Variants in POC1A observed in about 807,000 individuals in gnomAD.
POC1A encodes the protein POC1 centriolar protein A.
In POC1A, 34 loss-of-function variants were observed where a neutral mutation model predicts 47.8. The ratio of observed to expected loss-of-function variants is 0.71; its 90% CI spans 0.54 to 0.95. The LOEUF (loss-of-function observed/expected upper bound fraction) is 0.95, where lower values mean the gene tolerates loss of function less well. Among genes scored for constraint, POC1A ranks in the 40% least tolerant of loss-of-function variants. The probability of loss-of-function intolerance (pLI) is 0.00; values close to 1 mark genes in which losing one functional copy is unlikely to be tolerated. For synonymous variants in POC1A, 177 were observed against 207.6 expected (o/e 0.85, Z 1.27); for missense variants, 466 against 528.3 (o/e 0.88, Z 1.16).
intron 10 of POC1A, among the ~76,000 whole-genome samples, chr3:52,092,860 G>A (rs892854683): frequency 6.6e-6 from 1 of 152,216 alleles, no homozygotes; most frequent in Non-Finnish European, 1.5e-5. Context: ...GGGCAGTTTG[G>A]TTTCCTCTTC....
chr3:52,135,100 A>G (rs1704394872), intron 7 of POC1A, among the ~76,000 whole-genome samples: 1 of 152,244 alleles, frequency 6.6e-6, no homozygotes, highest in Non-Finnish European at 1.5e-5. Context: ...GCCCAGGCAG[A>G]ACCCAGCCCC....
chr3:52,087,354 AC>A (rs1215369988), intron 10 of POC1A, among the ~76,000 whole-genome samples: 2 of 152,192 alleles, frequency 1.3e-5, no homozygotes, highest in Non-Finnish European at 2.9e-5. Flanking sequence ...ACACAAAAAA[AC>A]AATTTCTAAA....
chr3:52,154,285 C>G, intron 1 of POC1A, 70 bp downstream of exon 1: 1 of 1,479,518 alleles, frequency 6.8e-7, no homozygotes. Flanking sequence ...AGCCATCGCT[C>G]TGGCCATTAG....
intron 7 of POC1A, among the ~76,000 whole-genome samples, chr3:52,126,562 C>G (rs759791662): frequency 2.0e-5 from 3 of 152,252 alleles, no homozygotes; most frequent in Non-Finnish European, 2.9e-5. Context: ...CCTGAAAGGA[C>G]AGTCTGTGCG....
intron 6 of POC1A, among the ~76,000 whole-genome samples, chr3:52,139,694 A>G (rs1047271524): frequency 7.2e-5 from 11 of 152,176 alleles, no homozygotes; most frequent in Non-Finnish European, 1.5e-4. Flanking sequence ...CATGAACTCC[A>G]TCAGGCAGGG....
rs183200679 is a variant in POC1A at position 52,148,203 on chromosome 3, C to T, written c.455+1007G>A. 2.8e-4 allele frequency among the ~76,000 whole-genome samples: 42 copies of T among 152,362 alleles called. 1 individual carries two copies. Among genetic ancestry groups the T allele is most frequent in the Admixed American group, 2.3e-3 (35 of 15,306 alleles). ...CAAGACACAATCTGCCAACAAAAGG[C>T]ATGAGGTCCTGGGGACTGCCACCAA... On this transcript the variant is annotated intron_variant, in intron 4 of 10. Transcript: ENST00000296484.
At chr3:52,152,629 G>A (rs553561167) in intron 1 of POC1A, among the ~76,000 whole-genome samples, 9 of 152,106 alleles carry the variant, frequency 5.9e-5, no homozygotes, top group Non-Finnish European at 1.0e-4. Context: ...GTAGTTAAAC[G>A]TGGTTAGCAA....
chr3:52,134,743 T>G (rs1484638773), intron 7 of POC1A, among the ~76,000 whole-genome samples: 1 of 149,754 alleles, frequency 6.7e-6, no homozygotes, highest in Non-Finnish European at 1.5e-5. Flanking sequence ...TCTGGCACAC[T>G]AGAAGTCATA....
At chr3:52,114,065 C>G (rs1199911311) in intron 9 of POC1A, among the ~76,000 whole-genome samples, 1 of 152,166 alleles carries the variant, frequency 6.6e-6, no homozygotes, top group South Asian at 2.1e-4. Flanking sequence ...ACAGGAGACA[C>G]GCCACCTCAG....
At chr3:52,150,858 A>C (rs967167546) in intron 2 of POC1A, among the ~76,000 whole-genome samples, 158 bp downstream of exon 2, 9 of 152,174 alleles carry the variant, frequency 5.9e-5, no homozygotes, top group Admixed American at 1.3e-4. Flanking sequence ...CATGAAGCCC[A>C]GTGCCCAAAG....
At position 52,075,966 on chromosome 3, in the gene POC1A, T is replaced by C. The variant is rs1454370069; in HGVS notation, c.1145A>G (p.Gln382Arg). 1 of 1,613,680 alleles carries C rather than the reference T, an allele frequency of 6.2e-7. No individual in the cohort carries two copies. Among genetic ancestry groups the C allele is most frequent in the Non-Finnish European group, 8.5e-7 (1 of 1,179,732 alleles). The change falls in exon 11 of 11, where the codon CAG becomes CGG. Residue 382 changes from glutamine to arginine, a missense_variant. Physicochemically the swap from Gln to Arg is conservative, Grantham distance 43 (BLOSUM62 1). Coordinates refer to ENST00000296484, the MANE Select transcript of POC1A (RefSeq NM_015426.5). ...VLTQTVSILE[Q>R]RLTLTEDKLK... Reference sequence around the variant, plus strand: ...CTTGTCTTCTGTCAGTGTCAACCGCTGCTCCAGAATGGAGACTGTCTGCAA... The same window carrying C: ...CTTGTCTTCTGTCAGTGTCAACCGCCGCTCCAGAATGGAGACTGTCTGCAA...
chr3:52,106,492 T>C (rs774480515), intron 9 of POC1A, among the ~76,000 whole-genome samples: 3 of 152,084 alleles, frequency 2.0e-5, no homozygotes, highest in African/African-American at 4.8e-5. Context: ...CTGAGTGACA[T>C]TGCAAGAGAT....
rs988895018 is a variant in POC1A at position 52,096,461 on chromosome 3, A to G, written c.1125+108T>C. 12 of 966,898 alleles carry G rather than the reference A, an allele frequency of 1.2e-5. No individual in the cohort carries two copies. The South Asian group carries it at 2.2e-4, about 17-fold the overall frequency. The allele number at this position is 966,898 out of a possible 1,614,324, so 59.9% of individuals were successfully genotyped here. On this transcript the variant is annotated intron_variant, in intron 10 of 10. Coordinates refer to ENST00000296484, the MANE Select transcript of POC1A (RefSeq NM_015426.5). ...ATATGGACTGGAAAACAGGTCCGTT[A>G]TAATTATGTTTTTAAAAATCCAGCA...
chr3:52,111,829 G>A (rs188130475), intron 9 of POC1A, among the ~76,000 whole-genome samples: 4 of 152,262 alleles, frequency 2.6e-5, no homozygotes, highest in Non-Finnish European at 4.4e-5. Flanking sequence ...GCATCCACAT[G>A]TGCAGGGTGA....
chr3:52,117,886 G>A (rs923191541), intron 9 of POC1A, among the ~76,000 whole-genome samples: 3 of 152,232 alleles, frequency 2.0e-5, no homozygotes, highest in African/African-American at 7.2e-5. Flanking sequence ...TGGTTGAGCA[G>A]AAGTCCGTCC....
At chr3:52,146,856 G>A (rs1376706495) in intron 5 of POC1A, 132 bp downstream of exon 5, 4 of 732,120 alleles carry the variant, frequency 5.5e-6, no homozygotes, top group Non-Finnish European at 9.7e-6. Flanking sequence ...AAAAGCACCA[G>A]ACAAGGGGCA....
At chr3:52,115,491 A>C (rs1338591619) in intron 9 of POC1A, among the ~76,000 whole-genome samples, 2 of 152,188 alleles carry the variant, frequency 1.3e-5, no homozygotes, top group Admixed American at 1.3e-4. Context: ...AAGCGACCCA[A>C]GTCCTCCCAA....
intron 9 of POC1A, among the ~76,000 whole-genome samples, chr3:52,103,742 T>A (rs1448343619): frequency 6.6e-6 from 1 of 152,072 alleles, no homozygotes; most frequent in Non-Finnish European, 1.5e-5. Context: ...AAAAGGATGC[T>A]CTACATCATT....
At chr3:52,122,122 C>T (rs1428027794) in intron 9 of POC1A, among the ~76,000 whole-genome samples, 1 of 152,232 alleles carries the variant, frequency 6.6e-6, no homozygotes, top group Non-Finnish European at 1.5e-5. Flanking sequence ...TGGCAACACG[C>T]TCCCACCAAA....
Sources: allele counts gnomAD v4.1 joint callset (sites outside exome capture counted in the v4.1 genomes callset), GRCh38; gene constraint gnomAD v4.1.1; transcripts MANE v1.5; gene names NCBI Gene and HGNC (gene_info 2026-07-23, HGNC 2026-07-21).